Variants in FAN1 observed in about 807,000 individuals in gnomAD.
FAN1 encodes fanconi-associated nuclease 1.
A neutral mutation model predicts 104.9 loss-of-function variants in FAN1; 91 were observed. That is an observed-to-expected ratio of 0.87 (90% CI 0.73 to 1.03). The LOEUF (loss-of-function observed/expected upper bound fraction) is 1.03. Among genes scored for constraint, FAN1 ranks in the 50% least tolerant of loss-of-function variants. The probability of loss-of-function intolerance (pLI) is 0.00; values close to 1 mark genes in which losing one functional copy is unlikely to be tolerated. For missense variants in FAN1, 1,263 were observed against 1,239.9 expected (o/e 1.02, Z -0.28); for synonymous variants, 478 against 457.6 (o/e 1.04, Z -0.57).
rs369814412 is a variant in FAN1, at chr15:30,941,877, C to T, written c.*315C>T. ...CCAGAGACACGTGGCAGAATAACACCGTGCAGGTTGGCGGGTTTGGAAAAC... is the reference window on the plus strand; with the variant it reads ...CCAGAGACACGTGGCAGAATAACACTGTGCAGGTTGGCGGGTTTGGAAAAC... On this transcript the variant is annotated 3_prime_UTR_variant, in exon 15 of 15. Coordinates refer to ENST00000362065, the MANE Select transcript of FAN1 (RefSeq NM_014967.5). The T allele has an allele frequency of 3.3e-5, 53 of 1,614,018 alleles. No homozygotes were observed. The highest frequency in any genetic ancestry group is 2.4e-4 in the African/African-American group (18 of 75,034).
chr15:30,905,712 A>C lies in FAN1; in HGVS notation c.1049A>C (p.Asp350Ala), dbSNP rs1353624673. ...CAGGATGACAGTTGCTTAAACAATGATATCCCTCACAGCATTCCTTTGGAG... is the reference window on the plus strand; with the variant it reads ...CAGGATGACAGTTGCTTAAACAATGCTATCCCTCACAGCATTCCTTTGGAG... Reference protein sequence around the residue: ...PLQDDSCLNNDIPHSIPLEQG... With the variant: ...PLQDDSCLNNAIPHSIPLEQG... The change falls in exon 2 of 15, where the codon GAT (aspartate) becomes GCT (alanine). Residue 350 changes from aspartate to alanine, a missense_variant. Around this residue, in one of 2 missense-constraint regions of FAN1, gnomAD observed 682 missense variants for 571.1 expected, o/e 1.19. Coordinates refer to ENST00000362065, the MANE Select transcript of FAN1 (RefSeq NM_014967.5). 1 of 1,614,136 alleles carries C rather than the reference A, an allele frequency of 6.2e-7. No individual in the cohort carries two copies. The highest frequency in any genetic ancestry group is 1.7e-5 in the Admixed American group (1 of 60,026).
chr15:30,905,557 A>C lies in FAN1; in HGVS notation c.894A>C (p.Ala298=). ...CIKEVVEKRE[A]CHCEEVKMTV... Reference sequence around the variant, plus strand: ...AAGAAGTGGTTGAAAAACGTGAGGCATGTCATTGTGAAGAAGTAAAAATGA... The same window carrying C: ...AAGAAGTGGTTGAAAAACGTGAGGCCTGTCATTGTGAAGAAGTAAAAATGA... Residue 298 remains alanine (A), a synonymous_variant, in exon 2 of 15, where the codon GCA becomes GCC. Coordinates refer to ENST00000362065, the MANE Select transcript of FAN1 (RefSeq NM_014967.5). The C allele has an allele frequency of 6.2e-7, 1 of 1,613,964 alleles. No homozygotes were observed. The highest frequency in any genetic ancestry group is 8.5e-7 in the Non-Finnish European group (1 of 1,179,808).
chr15:30,905,189 T>C lies in FAN1; in HGVS notation c.526T>C (p.Phe176Leu), dbSNP rs1414994472. 1.2e-6 allele frequency: 2 copies of C among 1,613,656 alleles called. No individual in the cohort carries two copies. The highest frequency in any genetic ancestry group is 2.2e-5 in the South Asian group (2 of 91,084). The change falls in exon 2 of 15, where the codon TTT becomes CTT. Residue 176 changes from phenylalanine to leucine, a missense_variant. Physicochemically the swap from Phe to Leu is conservative, Grantham distance 22. Coordinates refer to ENST00000362065, the MANE Select transcript of FAN1 (RefSeq NM_014967.5). ...AAAATCAATAGATAAGGATGAAGAA[T>C]TTGCCGGTTCTAGTCCACAGAGTTC... ...AKKSIDKDEE[F>L]AGSSPQSSKS...
intron 8 of FAN1, among the ~76,000 whole-genome samples, chr15:30,923,244 A>T (rs1340811064): frequency 1.3e-5 from 2 of 152,124 alleles, no homozygotes; most frequent in Admixed American, 1.3e-4. Flanking sequence ...ATTTCCTCTC[A>T]TGGAGGAGGG....
chr15:30,916,271 C>T, intron 5 of FAN1, among the ~76,000 whole-genome samples: 1 of 152,068 alleles, frequency 6.6e-6, no homozygotes, highest in Non-Finnish European at 1.5e-5. Flanking sequence ...AACTGTGAAC[C>T]CACCCTGTGC....
rs114136100 is a variant in FAN1, at chr15:30,905,773, C to T, written c.1110C>T (p.Thr370=). The change falls in exon 2 of 15, where the codon ACC becomes ACT. Residue 370 remains threonine, a synonymous_variant. Transcript: ENST00000362065. Reference sequence around the variant, plus strand: ...GCTGCAATGGTCCTGGTCAAACAACCGGTCATCCTTACTACCTTCGGAGTT... The same window carrying T: ...GCTGCAATGGTCCTGGTCAAACAACTGGTCATCCTTACTACCTTCGGAGTT... ...GSSCNGPGQT[T]GHPYYLRSFL... The T allele has an allele frequency of 0.013, 21,448 of 1,614,162 alleles. 194 individuals are homozygous for T. Among genetic ancestry groups the T allele is most frequent in the Middle Eastern group, 0.018 (109 of 6,062 alleles).
At position 30,922,298 on chromosome 15, in the gene FAN1, C is replaced by G. The variant is rs377430472; in HGVS notation, c.2116C>G (p.Arg706Gly). 56 of 1,613,754 alleles carry G rather than the reference C, an allele frequency of 3.5e-5. No homozygotes were observed. Among genetic ancestry groups the G allele is most frequent in the Non-Finnish European group, 4.7e-5 (56 of 1,179,954 alleles). ...QRIYCPDSRG[R>G]WWDRLALNLH... ...AATTTATTGTCCTGACAGCAGAGGCCGATGGTGGGATCGACTGGCCCTTAA... is the reference window on the plus strand; with the variant it reads ...AATTTATTGTCCTGACAGCAGAGGCGGATGGTGGGATCGACTGGCCCTTAA... Residue 706 changes from arginine (R) to glycine (G), a missense_variant, in exon 8 of 15, where the codon CGA becomes GGA. Arg to Gly is a moderately radical substitution (Grantham distance 125). Transcript: ENST00000362065.
chr15:30,904,474 TAAA>T, intron 1 of FAN1, 35 bp from the exon 2 acceptor site: 2 of 717,228 alleles, frequency 2.8e-6, no homozygotes, highest in Non-Finnish European at 4.9e-6. Context: ...GCTGAATTCA[TAAA>T]AATGTTTTTA....
At position 30,943,039 on chromosome 15, in the gene FAN1, C is replaced by A; in HGVS notation, c.*1477C>A. The A allele has an allele frequency of 6.5e-7, 1 of 1,545,188 alleles. No homozygotes were observed. The highest frequency in any genetic ancestry group is 8.7e-7 in the Non-Finnish European group (1 of 1,145,356). On this transcript the variant is annotated 3_prime_UTR_variant, in exon 15 of 15. Coordinates refer to ENST00000362065, the MANE Select transcript of FAN1 (RefSeq NM_014967.5). ...GAGGGGAATTTTAAGCCCTTCTCATCACCCAATTGGATGTTTTTGCTTATA... is the reference window on the plus strand; with the variant it reads ...GAGGGGAATTTTAAGCCCTTCTCATAACCCAATTGGATGTTTTTGCTTATA...
At chr15:30,911,621 C>A (rs2062102998) in intron 4 of FAN1, 2 of 926,934 alleles carry the variant, frequency 2.2e-6, no homozygotes, top group Non-Finnish European at 2.6e-6. Context: ...AAATTACATA[C>A]TTGTAATTAA....
intron 14 of FAN1, chr15:30,939,288 C>T: frequency 1.0e-6 from 1 of 985,462 alleles, no homozygotes; most frequent in Non-Finnish European, 1.2e-6. Flanking sequence ...AGAAATTTCA[C>T]CCAGTGCATC....
chr15:30,907,980 T>C, intron 2 of FAN1, 138 bp from the exon 3 acceptor site: 1 of 557,828 alleles, frequency 1.8e-6, no homozygotes, highest in African/African-American at 1.9e-5. Flanking sequence ...AAATGTACTT[T>C]CAAAATGGTT....
intron 4 of FAN1, chr15:30,911,276 T>G: frequency 1.0e-6 from 1 of 987,488 alleles, no homozygotes; most frequent in Non-Finnish European, 1.2e-6. Flanking sequence ...CTTGACCTGT[T>G]TCAGTTGAAA....
intron 10 of FAN1, chr15:30,926,566 G>C (rs1349876273): frequency 1.1e-6 from 1 of 949,016 alleles, no homozygotes; most frequent in Non-Finnish European, 1.3e-6. Flanking sequence ...TCTTTCTGAT[G>C]AGTGTTGAGA....
In FAN1 at chr15:30,929,612, TA is replaced by T. The variant is rs1228007436; in HGVS notation, c.2787+216del. On this transcript the variant is annotated intron_variant, in intron 12 of 14. Transcript: ENST00000362065. Reference sequence around the variant, plus strand: ...TATATTATATATTACATATTACATATATAATATATATTATATATTATACAAT... The same window carrying T: ...TATATTATATATTACATATTACATATTAATATATATTATATATTATACAAT... Among the ~76,000 whole-genome samples, 6 of 129,952 alleles carry T rather than the reference TA, an allele frequency of 4.6e-5. 1 individual carries two copies. Among genetic ancestry groups the T allele is most frequent in the Non-Finnish European group, 9.3e-5 (6 of 64,790 alleles). The allele number at this position is 129,952 out of a possible 152,430, so 85.3% of individuals were successfully genotyped here. A position where few individuals can be genotyped will look rare whatever the true frequency, so the allele number is the denominator to read the frequency against.
At position 30,917,316 on chromosome 15, in the gene FAN1, G is replaced by A. The variant is rs186711378; in HGVS notation, c.1812-848G>A. On this transcript the variant is annotated intron_variant, in intron 5 of 14. Coordinates refer to ENST00000362065, the MANE Select transcript of FAN1 (RefSeq NM_014967.5). ...CTGTTGTGTGTGGCATTGGACTTGC[G>A]GTCAGGAGCTCAGGGAATGGGTCTG... is the stretch of plus-strand genomic sequence containing the variant. 4.4e-4 allele frequency among the ~76,000 whole-genome samples: 67 copies of A among 152,150 alleles called. 1 individual carries two copies. The highest frequency in any genetic ancestry group is 1.6e-3 in the African/African-American group (67 of 41,508).
At chr15:30,927,865 CCT>C (rs1341238760) in intron 10 of FAN1, 1 of 985,556 alleles carries the variant, frequency 1.0e-6, no homozygotes, top group Non-Finnish European at 1.2e-6. Context: ...CCAGACCCTG[CCT>C]CTGACTCTGT....
intron 3 of FAN1, among the ~76,000 whole-genome samples, chr15:30,910,297 A>G (rs185762127): frequency 1.5e-4 from 23 of 152,360 alleles, no homozygotes; most frequent in African/African-American, 5.5e-4. Context: ...TTGTGACGAG[A>G]AAGGCAGGGA....
At chr15:30,922,463 C>A in intron 8 of FAN1, 109 bp downstream of exon 8, 1 of 1,116,848 alleles carries the variant, frequency 9.0e-7, no homozygotes. Flanking sequence ...ACATGTATTT[C>A]TTTTGTTAAC....
Sources: allele counts gnomAD v4.1 joint callset (sites outside exome capture counted in the v4.1 genomes callset), GRCh38; gene constraint gnomAD v4.1.1; regional missense constraint gnomAD v4.1.1; transcripts MANE v1.5; gene names NCBI Gene and HGNC (gene_info 2026-07-23, HGNC 2026-07-21).